Variants in THSD7B observed in about 807,000 individuals in gnomAD.
The protein encoded by THSD7B is thrombospondin type 1 domain containing 7B, also known as thrombospondin type-1 domain-containing protein 7B.
In THSD7B, 138 loss-of-function variants were observed where a neutral mutation model predicts 213.6. That is an observed-to-expected ratio of 0.65 (90% confidence interval 0.56 to 0.74). The LOEUF (loss-of-function observed/expected upper bound fraction) is 0.74. Ranked by LOEUF, THSD7B falls within the 30% of genes least tolerant of loss-of-function variation. THSD7B has a pLI of 0.00. For missense variants in THSD7B, 1,931 were observed against 1,991.5 expected (o/e 0.97, Z 0.58); for synonymous variants, 742 against 687.0 (o/e 1.08, Z -1.25).
chr2:136,879,719 C>T (rs1025915920), intron 1 of THSD7B, among the ~76,000 whole-genome samples: 12 of 152,152 alleles, frequency 7.9e-5, no homozygotes, highest in Admixed American at 5.2e-4. Flanking sequence ...ATTCAGGAAA[C>T]CCATTTCATG....
chr2:137,659,740 T>A lies in THSD7B; in HGVS notation c.4452T>A (p.Cys1484Ter). 1 of 1,601,438 alleles carries A rather than the reference T, an allele frequency of 6.2e-7. No individual in the cohort carries two copies. The highest frequency in any genetic ancestry group is 2.2e-5 in the East Asian group (1 of 44,460). The change falls in exon 25 of 28, where the codon TGT becomes TGA. Residue 1484 changes from cysteine to a stop codon, truncating the protein, a stop_gained. Coordinates refer to ENST00000409968, the MANE Select transcript of THSD7B (RefSeq NM_001316349.2). LOFTEE classifies it high-confidence loss of function. ...CCTGCAGAAAACCTTTCTCCTACTG[T>A]ACACAGGTGAGTCATGTGCTGGAGT... is the stretch of plus-strand genomic sequence containing the variant. Reference protein sequence around the residue: ...IPACRKPFSYCTQGGVCGCEK... With the variant: ...IPACRKPFSY
chr2:137,554,212 A>G (rs1414914393), intron 15 of THSD7B, among the ~76,000 whole-genome samples: 1 of 152,160 alleles, frequency 6.6e-6, no homozygotes, highest in Non-Finnish European at 1.5e-5. Flanking sequence ...TTTTCTCTAG[A>G]GAATTAAGTG....
chr2:137,370,056 G>C (rs1160708480), intron 12 of THSD7B, among the ~76,000 whole-genome samples: 1 of 152,070 alleles, frequency 6.6e-6, no homozygotes, highest in East Asian at 1.9e-4. Context: ...CTGGAGGAAA[G>C]AAATACAAAC....
At chr2:136,859,925 G>A (rs1190147930) in intron 1 of THSD7B, among the ~76,000 whole-genome samples, 3 of 151,662 alleles carry the variant, frequency 2.0e-5, no homozygotes, top group Non-Finnish European at 4.4e-5. Flanking sequence ...AGAACAGTAA[G>A]AGAAACCAAA....
chr2:137,232,220 A>T (rs1001319625), intron 8 of THSD7B, among the ~76,000 whole-genome samples: 31 of 152,158 alleles, frequency 2.0e-4, no homozygotes, highest in Non-Finnish European at 8.8e-5. Flanking sequence ...AAAATGTCAG[A>T]AAAGGACAAT....
intron 20 of THSD7B, among the ~76,000 whole-genome samples, chr2:137,621,622 C>G (rs1682521635): frequency 6.6e-6 from 1 of 152,110 alleles, no homozygotes; most frequent in South Asian, 2.1e-4. Context: ...AAGACCATAG[C>G]ATAAAACAGA....
intron 14 of THSD7B, among the ~76,000 whole-genome samples, chr2:137,417,475 T>G (rs1573613796): frequency 6.6e-6 from 1 of 152,232 alleles, no homozygotes; most frequent in African/African-American, 2.4e-5. Flanking sequence ...AAGTTTCCTC[T>G]GTAGCCTAGG....
intron 12 of THSD7B, among the ~76,000 whole-genome samples, chr2:137,338,112 G>A: frequency 6.6e-6 from 1 of 152,090 alleles, no homozygotes; most frequent in East Asian, 1.9e-4. Flanking sequence ...GGCTGAGACT[G>A]TGCTAAAGGT....
intron 5 of THSD7B, among the ~76,000 whole-genome samples, chr2:137,131,525 A>C (rs1368834275): frequency 6.6e-6 from 1 of 152,226 alleles, no homozygotes; most frequent in Admixed American, 6.5e-5. Context: ...CTAACAGGTA[A>C]GTCTTTAATC....
intron 5 of THSD7B, among the ~76,000 whole-genome samples, chr2:137,154,444 T>A (rs1209376423): frequency 3.9e-5 from 6 of 152,192 alleles, no homozygotes; most frequent in Admixed American, 6.5e-5. Flanking sequence ...TACCTCTTTT[T>A]ACTTTAAGCA....
At chr2:137,049,366 G>C (rs1191327402) in intron 2 of THSD7B, among the ~76,000 whole-genome samples, 1 of 152,192 alleles carries the variant, frequency 6.6e-6, no homozygotes, top group African/African-American at 2.4e-5. Flanking sequence ...TGCAATTGTT[G>C]TGGAAGACGT....
chr2:136,892,412 T>A (rs12623039), intron 2 of THSD7B, among the ~76,000 whole-genome samples: 55,545 of 151,890 alleles, frequency 0.37, 11,579 homozygotes, highest in East Asian at 0.98. Context: ...AGAAGGGAAA[T>A]TGGATTTAGT....
At chr2:137,668,581 T>G (rs1227865127) in intron 27 of THSD7B, among the ~76,000 whole-genome samples, 2 of 152,058 alleles carry the variant, frequency 1.3e-5, no homozygotes, top group African/African-American at 4.8e-5. Flanking sequence ...TAAATGCAGT[T>G]GACTCTTGAA....
At chr2:137,125,152 G>A (rs1166390173) in intron 5 of THSD7B, among the ~76,000 whole-genome samples, 7 of 152,046 alleles carry the variant, frequency 4.6e-5, no homozygotes, top group Non-Finnish European at 7.4e-5. Flanking sequence ...CCATCTCAGA[G>A]TCTTCTCCAC....
At chr2:137,016,653 T>G (rs1421899862) in intron 2 of THSD7B, among the ~76,000 whole-genome samples, 1 of 152,176 alleles carries the variant, frequency 6.6e-6, no homozygotes, top group East Asian at 1.9e-4. Context: ...ACTTTCCATA[T>G]TTGGGCCAGG....
intron 9 of THSD7B, among the ~76,000 whole-genome samples, chr2:137,238,836 A>C (rs1301842086): frequency 1.3e-5 from 2 of 150,894 alleles, no homozygotes; most frequent in Admixed American, 6.6e-5. Flanking sequence ...TACAGGCGTG[A>C]GCCACCGCGC....
At chr2:136,826,217 A>G (rs915064049) in intron 1 of THSD7B, among the ~76,000 whole-genome samples, 4 of 152,244 alleles carry the variant, frequency 2.6e-5, no homozygotes, top group Admixed American at 6.5e-5. Context: ...GAAATGGCAG[A>G]TATGAAATAA....
chr2:137,287,825 C>T (rs1683221166), intron 12 of THSD7B, among the ~76,000 whole-genome samples: 1 of 152,064 alleles, frequency 6.6e-6, no homozygotes, highest in Admixed American at 6.6e-5. Flanking sequence ...ATTTGTAAAA[C>T]TGGTAGTAAG....
intron 25 of THSD7B, among the ~76,000 whole-genome samples, chr2:137,661,868 C>T (rs1041660987): frequency 7.9e-5 from 12 of 152,040 alleles, no homozygotes; most frequent in African/African-American, 2.9e-4. Context: ...GCATGCACAG[C>T]GTGTTTACTG....
Sources: allele counts gnomAD v4.1 joint callset (sites outside exome capture counted in the v4.1 genomes callset), GRCh38; gene constraint gnomAD v4.1.1; transcripts MANE v1.5; gene names NCBI Gene and HGNC (gene_info 2026-07-23, HGNC 2026-07-21).